Variants in SUCLG2 observed in about 807,000 individuals in gnomAD.
SUCLG2 encodes succinate-CoA ligase GDP-forming subunit beta.
In SUCLG2, 42 loss-of-function variants were observed where a neutral mutation model predicts 47.9. The observed-to-expected ratio is 0.88, with a 90% confidence interval of 0.69 to 1.14. SUCLG2 has a LOEUF of 1.14. SUCLG2 is among the 50% of genes most tolerant of loss of function. The probability of loss-of-function intolerance (pLI) is 0.00; values close to 1 mark genes in which losing one functional copy is unlikely to be tolerated. For missense variants in SUCLG2, 571 were observed against 525.9 expected (o/e 1.09, Z -0.84); for synonymous variants, 195 against 197.3 (o/e 0.99, Z 0.10).
chr3:67,467,420 G>A (rs1454676990), intron 9 of SUCLG2, among the ~76,000 whole-genome samples: 4 of 152,178 alleles, frequency 2.6e-5, no homozygotes, highest in Non-Finnish European at 4.4e-5. Flanking sequence ...TTTGACAGGT[G>A]AAGCGAGAAA....
chr3:67,546,466 G>T (rs1706864755), intron 2 of SUCLG2, among the ~76,000 whole-genome samples: 1 of 152,188 alleles, frequency 6.6e-6, no homozygotes, highest in African/African-American at 2.4e-5. Context: ...CGGGCAGGGT[G>T]GCTCACACCT....
Position 67,503,909 on chromosome 3 carries a change from C to T in SUCLG2, c.757+4898G>A, listed in dbSNP as rs1424830292. ...AGAAAACATGACTGGCAGTTAGAGGCCTCTGACCCTAGAATTTTAACAGAA... is the reference window on the plus strand; with the variant it reads ...AGAAAACATGACTGGCAGTTAGAGGTCTCTGACCCTAGAATTTTAACAGAA... On this transcript the variant is annotated intron_variant, in intron 7 of 10. Transcript: ENST00000307227. 3.3e-5 allele frequency among the ~76,000 whole-genome samples: 5 copies of T among 152,098 alleles called. No individual in the cohort carries two copies. The East Asian group carries it at 9.7e-4, about 29-fold the overall frequency.
intron 9 of SUCLG2, among the ~76,000 whole-genome samples, chr3:67,470,165 G>C (rs1475940366): frequency 6.6e-6 from 1 of 151,798 alleles, no homozygotes. Context: ...TCAGGGAATA[G>C]AATGTAACTA....
chr3:67,583,021 G>A (rs1459050909), intron 2 of SUCLG2, among the ~76,000 whole-genome samples: 1 of 152,014 alleles, frequency 6.6e-6, no homozygotes, highest in African/African-American at 2.4e-5. Context: ...GCAGTTACTT[G>A]TATGCAGTGA....
chr3:67,554,384 T>C (rs1470699844), intron 2 of SUCLG2, among the ~76,000 whole-genome samples: 2 of 152,176 alleles, frequency 1.3e-5, no homozygotes, highest in Non-Finnish European at 2.9e-5. Flanking sequence ...AGAACCTTGA[T>C]GTCATGCAAT....
chr3:67,641,423 A>G (rs913953839), intron 1 of SUCLG2, among the ~76,000 whole-genome samples: 1 of 152,224 alleles, frequency 6.6e-6, no homozygotes, highest in Non-Finnish European at 1.5e-5. Context: ...TGAAAAAACA[A>G]AGGCTCATCT....
At chr3:67,494,441 C>A (rs1705278610) in intron 9 of SUCLG2, among the ~76,000 whole-genome samples, 1 of 152,010 alleles carries the variant, frequency 6.6e-6, no homozygotes, top group African/African-American at 2.4e-5. Flanking sequence ...TTGAGACCAG[C>A]CTGAGCAACA....
chr3:67,442,683 T>A (rs1231965285), intron 9 of SUCLG2, among the ~76,000 whole-genome samples: 1 of 152,206 alleles, frequency 6.6e-6, no homozygotes, highest in African/African-American at 2.4e-5. Flanking sequence ...CATACAAATG[T>A]AAAGATTTTT....
intron 9 of SUCLG2, among the ~76,000 whole-genome samples, chr3:67,448,341 A>T (rs1703976251): frequency 6.6e-6 from 1 of 152,244 alleles, no homozygotes; most frequent in Admixed American, 6.5e-5. Flanking sequence ...TGATGGGTCC[A>T]TTTATTTAAA....
intron 9 of SUCLG2, among the ~76,000 whole-genome samples, chr3:67,428,811 C>T (rs530383565): frequency 6.6e-6 from 1 of 152,232 alleles, no homozygotes; most frequent in African/African-American, 2.4e-5. Context: ...CATGCACAAG[C>T]TTCAGTAGCC....
intron 10 of SUCLG2, among the ~76,000 whole-genome samples, chr3:67,398,546 A>C (rs567856506): frequency 2.7e-3 from 405 of 151,888 alleles, no homozygotes; most frequent in African/African-American, 9.5e-3. Context: ...GATGTGGAGA[A>C]ATAGGAACAC....
chr3:67,513,012 G>C (rs553419642), intron 6 of SUCLG2, among the ~76,000 whole-genome samples: 1 of 149,912 alleles, frequency 6.7e-6, no homozygotes, highest in African/African-American at 2.5e-5. Flanking sequence ...CAGATATATA[G>C]AGATATTAGA....
intron 2 of SUCLG2, among the ~76,000 whole-genome samples, chr3:67,546,456 C>T (rs368506008): frequency 4.6e-5 from 7 of 152,086 alleles, no homozygotes; most frequent in East Asian, 1.9e-4. Flanking sequence ...TATTTCAGGC[C>T]GGGCAGGGTG....
intron 1 of SUCLG2, among the ~76,000 whole-genome samples, chr3:67,638,707 G>T (rs1216135728): frequency 1.3e-5 from 2 of 152,216 alleles, no homozygotes; most frequent in Non-Finnish European, 2.9e-5. Context: ...AAGAAATCAC[G>T]TAGACTTGGG....
chr3:67,612,052 T>C lies in SUCLG2; in HGVS notation c.85-2456A>G, dbSNP rs564004994. Among the ~76,000 whole-genome samples, 4 of 152,284 alleles carry C rather than the reference T, an allele frequency of 2.6e-5. No individual in the cohort carries two copies. In the South Asian group the frequency reaches 8.3e-4, roughly 32 times the overall value. ...CTCTAAAACTTCAAGACAACTCCAC[T>C]TATTAAGAATTTGTAGCTGGGTGTG... On this transcript the variant is annotated intron_variant, in intron 1 of 10. Transcript: ENST00000307227.
At chr3:67,364,726 C>T (rs1701854132) in intron 10 of SUCLG2, among the ~76,000 whole-genome samples, 2 of 152,108 alleles carry the variant, frequency 1.3e-5, no homozygotes. Flanking sequence ...GATCCAAAGT[C>T]TCAGAAAGTA....
intron 10 of SUCLG2, among the ~76,000 whole-genome samples, chr3:67,362,830 C>A (rs182519157): frequency 8.9e-4 from 135 of 152,270 alleles, no homozygotes; most frequent in Non-Finnish European, 1.2e-3. Context: ...CCCTCTCCCC[C>A]ACAGGAAGCC....
chr3:67,394,068 G>A (rs1575666496), intron 10 of SUCLG2, among the ~76,000 whole-genome samples: 2 of 152,006 alleles, frequency 1.3e-5, no homozygotes, highest in East Asian at 3.9e-4. Flanking sequence ...CACAAAGATG[G>A]GGAAAAAACA....
chr3:67,654,379 C>G, intron 1 of SUCLG2, 124 bp downstream of exon 1: 1 of 770,508 alleles, frequency 1.3e-6, no homozygotes, highest in African/African-American at 1.8e-5. Context: ...CGTCACCTCC[C>G]GAAGTGGGGC....
Sources: gnomAD v4.1 joint callset for allele counts (sites outside exome capture counted in the v4.1 genomes callset) on GRCh38, gnomAD v4.1.1 for gene constraint, MANE v1.5 for transcripts, NCBI Gene and HGNC (gene_info 2026-07-23, HGNC 2026-07-21) for gene names.